The following NEBL variants were observed in gnomAD, a reference collection of about 807,000 sequenced individuals.
The protein encoded by NEBL is LIM and SH3 protein 2.
In NEBL, 122 loss-of-function variants were observed where a neutral mutation model predicts 140.2. That is an observed-to-expected ratio of 0.87 (90% confidence interval 0.75 to 1.01). The LOEUF is 1.01. NEBL is among the 50% of genes least tolerant of loss of function. The pLI, the probability that NEBL is intolerant of heterozygous loss-of-function variation, is 0.00. For synonymous variants in NEBL, 436 were observed against 398.9 expected (o/e 1.09, Z -1.11); for missense variants, 1,365 against 1,231.3 (o/e 1.11, Z -1.62).
intron 3 of NEBL, among the ~76,000 whole-genome samples, chr10:21,212,583 G>C (rs946996192): frequency 3.3e-4 from 50 of 152,242 alleles, no homozygotes; most frequent in African/African-American, 1.2e-3. Context: ...TCGGTGAAAG[G>C]GGTGGAATCA....
intron 3 of NEBL, among the ~76,000 whole-genome samples, chr10:20,983,502 C>T (rs369249131): frequency 1.8e-4 from 27 of 152,268 alleles, no homozygotes; most frequent in East Asian, 9.6e-4. Context: ...CCTCTCTTTC[C>T]GTAAGTATTC....
chr10:21,115,589 A>G (rs1838247374), intron 2 of NEBL, among the ~76,000 whole-genome samples: 1 of 151,526 alleles, frequency 6.6e-6, no homozygotes, highest in Non-Finnish European at 1.5e-5. Context: ...TCCGACTTGC[A>G]TTGTTTCCAA....
chr10:21,122,431 C>T (rs867064893), intron 2 of NEBL, among the ~76,000 whole-genome samples: 2 of 152,194 alleles, frequency 1.3e-5, no homozygotes, highest in Non-Finnish European at 2.9e-5. Context: ...CTGAGAGTCT[C>T]ACTTCATTTC....
chr10:21,077,877 T>C (rs562080769), intron 2 of NEBL, among the ~76,000 whole-genome samples: 302 of 152,264 alleles, frequency 2.0e-3, no homozygotes, highest in South Asian at 7.7e-3. Flanking sequence ...GCCCGAGCTA[T>C]GGGCTTCCCA....
At chr10:21,076,069 T>C (rs962329721) in intron 2 of NEBL, among the ~76,000 whole-genome samples, 2 of 152,152 alleles carry the variant, frequency 1.3e-5, no homozygotes, top group African/African-American at 4.8e-5. Context: ...AAATTGGAAC[T>C]TTTATGCATT....
chr10:20,901,154 A>G (rs539062044), upstream of NEBL, among the ~76,000 whole-genome samples: 130 of 152,346 alleles, frequency 8.5e-4, 2 homozygotes, highest in African/African-American at 3.1e-3. Flanking sequence ...TCTCTGTGCC[A>G]TTAATATCCT....
chr10:21,124,279 T>C (rs1838713249), intron 2 of NEBL, among the ~76,000 whole-genome samples: 1 of 152,222 alleles, frequency 6.6e-6, no homozygotes, highest in African/African-American at 2.4e-5. Flanking sequence ...CTTTATAATT[T>C]AAGGCAACAT....
At chr10:20,969,760 G>T (rs1413301966) in intron 3 of NEBL, among the ~76,000 whole-genome samples, 2 of 151,964 alleles carry the variant, frequency 1.3e-5, no homozygotes, top group Non-Finnish European at 2.9e-5. Context: ...TGCCAGGCTG[G>T]TCTCAAACTC....
chr10:21,174,656 G>A (rs117347142), upstream of NEBL: 4,044 of 152,362 alleles, frequency 0.027, 84 homozygotes, highest in Non-Finnish European at 0.041. Flanking sequence ...CCAGGCCCAA[G>A]GGCCGGGAGA....
At chr10:20,810,227 C>A (rs1167409572) in intron 24 of NEBL, among the ~76,000 whole-genome samples, 1 of 152,296 alleles carries the variant, frequency 6.6e-6, no homozygotes, top group East Asian at 1.9e-4. Flanking sequence ...TGCATCCCCT[C>A]ACAGCACCCC....
chr10:21,089,424 C>A (rs1564507232), intron 2 of NEBL, among the ~76,000 whole-genome samples: 1 of 152,138 alleles, frequency 6.6e-6, no homozygotes. Flanking sequence ...GGACACGCAG[C>A]ATGGAGGATT....
chr10:21,251,066 G>C (rs947935852), intron 2 of NEBL, among the ~76,000 whole-genome samples: 1 of 151,972 alleles, frequency 6.6e-6, no homozygotes, highest in African/African-American at 2.4e-5. Context: ...TAGTTATTTA[G>C]TATAATCATT....
At chr10:21,169,067 A>AATATATATATATATATATATAT (rs1176763018) in intron 2 of NEBL, among the ~76,000 whole-genome samples, 2 of 23,076 alleles carry the variant, frequency 8.7e-5, no homozygotes, top group African/African-American at 1.3e-4. Context: ...AAAAAAAAAA[A>AATATATATATATATATATATAT]ATATATATAT....
At chr10:21,192,715 C>T (rs986336081) in intron 3 of NEBL, among the ~76,000 whole-genome samples, 3 of 150,898 alleles carry the variant, frequency 2.0e-5, no homozygotes, top group South Asian at 2.1e-4. Context: ...CATGGTGGTG[C>T]GTGCCTGTAA....
chr10:21,230,603 C>G (rs903907274), intron 3 of NEBL, among the ~76,000 whole-genome samples: 1 of 138,144 alleles, frequency 7.2e-6, no homozygotes. Context: ...AAACTGGAAA[C>G]CTTTTTTTTT....
At chr10:21,186,136 G>A (rs1225886895) in intron 3 of NEBL, among the ~76,000 whole-genome samples, 1 of 151,964 alleles carries the variant, frequency 6.6e-6, no homozygotes, top group African/African-American at 2.4e-5. Flanking sequence ...GTGATACTAA[G>A]GCACACTTAA....
chr10:20,788,622 G>A (rs1835646168), intron 26 of NEBL, among the ~76,000 whole-genome samples: 1 of 152,124 alleles, frequency 6.6e-6, no homozygotes, highest in Non-Finnish European at 1.5e-5. Flanking sequence ...TATGCTTAAT[G>A]TCCAGATAGG....
chr10:21,148,079 A>G (rs1839978327), intron 2 of NEBL, among the ~76,000 whole-genome samples: 1 of 152,248 alleles, frequency 6.6e-6, no homozygotes, highest in Non-Finnish European at 1.5e-5. Context: ...AGAAGAATTT[A>G]CAGTAGAGAG....
At chr10:20,814,420 A>G (rs1481747478) in intron 22 of NEBL, among the ~76,000 whole-genome samples, 2 of 150,728 alleles carry the variant, frequency 1.3e-5, no homozygotes, top group Non-Finnish European at 2.9e-5. Flanking sequence ...GCACAGTGAA[A>G]CCCCCCATCT....
Sources: gnomAD v4.1 joint callset for allele counts (sites outside exome capture counted in the v4.1 genomes callset) on GRCh38, gnomAD v4.1.1 for gene constraint, MANE v1.5 for transcripts, NCBI Gene and HGNC (gene_info 2026-07-23, HGNC 2026-07-21) for gene names.